GRHL2: variants seen among roughly 807,000 people sequenced by gnomAD.
GRHL2 encodes grainyhead like transcription factor 2, also known as grainyhead-like protein 2 homolog.
In GRHL2, 21 loss-of-function variants were observed where a neutral mutation model predicts 83.8. The observed-to-expected ratio is 0.25, with a 90% confidence interval of 0.18 to 0.36. The LOEUF (loss-of-function observed/expected upper bound fraction) is 0.36. GRHL2 is among the 10% of genes least tolerant of loss of function. The pLI is 1.00. For missense variants in GRHL2, 623 were observed against 781.8 expected, an observed-to-expected ratio of 0.80 and a Z score of 2.42; for synonymous variants, 280 against 278.9, an observed-to-expected ratio of 1.00 and a Z score of -0.04.
intron 10 of GRHL2, 146 bp downstream of exon 10, chr8:101,631,870 G>T (rs780548609): frequency 4.2e-5 from 31 of 738,260 alleles, no homozygotes; most frequent in Non-Finnish European, 6.9e-5. Flanking sequence ...GAGACAGGGT[G>T]ATTGATTATC....
In GRHL2 at chr8:101,632,211, T is replaced by C. The variant is rs369051001; in HGVS notation, c.1346-15T>C. The C allele has an allele frequency of 6.9e-5, 111 of 1,613,706 alleles. No homozygotes were observed. The highest frequency in any genetic ancestry group is 8.6e-5 in the Non-Finnish European group (102 of 1,179,734). ...TATGACTCTCTCATTTATGAGTTTG[T>C]GTGATCCCATCCAGCCTCTGATGGG... On this transcript the variant is annotated splice_polypyrimidine_tract_variant and intron_variant, in intron 10 of 15. Coordinates refer to ENST00000646743, the MANE Select transcript of GRHL2 (RefSeq NM_024915.4).
chr8:101,580,018 G>C (rs1812017793), intron 7 of GRHL2, among the ~76,000 whole-genome samples: 1 of 152,122 alleles, frequency 6.6e-6, no homozygotes, highest in African/African-American at 2.4e-5. Flanking sequence ...CGTGAAACTG[G>C]AGGTTAAACT....
chr8:101,645,037 C>T (rs546536693), intron 13 of GRHL2, among the ~76,000 whole-genome samples: 9 of 151,462 alleles, frequency 5.9e-5, no homozygotes, highest in African/African-American at 1.7e-4. Context: ...TTTATAGAGA[C>T]GAGGTCTCAA....
At chr8:101,509,138 C>CTTTTCTTT (rs1563556048) in intron 1 of GRHL2, among the ~76,000 whole-genome samples, 19 of 73,142 alleles carry the variant, frequency 2.6e-4, no homozygotes, top group African/African-American at 6.6e-4. Flanking sequence ...TCCTTCCTTC[C>CTTTTCTTT]TTCCTTCCTT....
intron 8 of GRHL2, among the ~76,000 whole-genome samples, chr8:101,611,870 T>C (rs1224195305): frequency 6.6e-6 from 1 of 151,000 alleles, no homozygotes; most frequent in African/African-American, 2.5e-5. Context: ...ATTAGGGTGA[T>C]CTCTCCATTT....
Position 101,667,933 on chromosome 8 carries a change from T to C in GRHL2, c.*1230T>C, listed in dbSNP as rs1280901817. 6.5e-6 allele frequency: 1 copy of C among 152,802 alleles called. No homozygotes were observed. Among genetic ancestry groups the C allele is most frequent in the Non-Finnish European group, 1.5e-5 (1 of 68,158 alleles). The allele number at this position is 152,802 out of a possible 1,614,324, so 9.5% of individuals were successfully genotyped here. On this transcript the variant is annotated 3_prime_UTR_variant, in exon 16 of 16. Coordinates refer to ENST00000646743, the MANE Select transcript of GRHL2 (RefSeq NM_024915.4). ...ATGTGAGAGCTGTGAACAGCTCAGC[T>C]CTGAGTCGGCAGGCTGGGGCTTCCT...
the GRHL2 span, among the ~76,000 whole-genome samples, chr8:101,678,768 T>C: frequency 1.3e-5 from 2 of 151,902 alleles, no homozygotes; most frequent in African/African-American, 4.8e-5. Flanking sequence ...AAGCGGGTCC[T>C]TGACCCCCAA....
At chr8:101,546,603 C>T (rs1435603731) in intron 2 of GRHL2, among the ~76,000 whole-genome samples, 4 of 151,834 alleles carry the variant, frequency 2.6e-5, no homozygotes, top group Admixed American at 6.6e-5. Context: ...TTAGTAGAGA[C>T]GGGATTTTGC....
At chr8:101,514,462 G>A (rs1563558823) in intron 1 of GRHL2, among the ~76,000 whole-genome samples, 1 of 152,216 alleles carries the variant, frequency 6.6e-6, no homozygotes, top group Non-Finnish European at 1.5e-5. Flanking sequence ...GGCAAGCCCA[G>A]CCCAAGGGCT....
At chr8:101,674,610 G>A (rs1814263661), downstream of GRHL2, among the ~76,000 whole-genome samples, 1 of 152,138 alleles carries the variant, frequency 6.6e-6, no homozygotes, top group South Asian at 2.1e-4. Flanking sequence ...TGGATTCATA[G>A]CCGAATTCTA....
intron 14 of GRHL2, among the ~76,000 whole-genome samples, chr8:101,663,707 A>AT (rs564124770): frequency 1.3e-5 from 2 of 151,966 alleles, no homozygotes; most frequent in South Asian, 2.1e-4. Flanking sequence ...TGTGTGGTGC[A>AT]TTTTTTTATA....
the GRHL2 span, among the ~76,000 whole-genome samples, chr8:101,678,549 G>A: frequency 6.6e-6 from 1 of 152,032 alleles, no homozygotes; most frequent in Non-Finnish European, 1.5e-5. Context: ...AAACAAAGCA[G>A]CCGGGAAGCT....
chr8:101,637,410 T>C (rs1240772041), intron 12 of GRHL2, among the ~76,000 whole-genome samples: 2 of 152,278 alleles, frequency 1.3e-5, no homozygotes, highest in African/African-American at 4.8e-5. Flanking sequence ...AGGCCAGTAG[T>C]GAGGCTGGTT....
intron 8 of GRHL2, among the ~76,000 whole-genome samples, chr8:101,603,083 A>C (rs1242669650): frequency 6.6e-6 from 1 of 152,156 alleles, no homozygotes; most frequent in Non-Finnish European, 1.5e-5. Context: ...TAAAAAAAAA[A>C]CACCAGAAAC....
In GRHL2 at chr8:101,644,242, G is replaced by T; in HGVS notation, c.1612+17G>T. 6.2e-7 allele frequency: 1 copy of T among 1,600,600 alleles called. No homozygotes were observed. Among genetic ancestry groups the T allele is most frequent in the African/African-American group, 1.3e-5 (1 of 74,734 alleles). ...CAAAGCGAGGTATCTCTCCTGCTGG[G>T]GCATGCCCTCTCAGAAGGGATGCGG... On this transcript the variant is annotated intron_variant, in intron 13 of 15. Transcript: ENST00000646743.
At chr8:101,644,072 G>A in intron 12 of GRHL2, 59 bp from the exon 13 acceptor site, 1 of 1,384,424 alleles carries the variant, frequency 7.2e-7, no homozygotes, top group Non-Finnish European at 1.0e-6. Flanking sequence ...ACACACATGT[G>A]AACGTGTGTT....
chr8:101,621,032 C>T (rs1447813900), intron 9 of GRHL2, among the ~76,000 whole-genome samples: 2 of 151,770 alleles, frequency 1.3e-5, no homozygotes, highest in African/African-American at 4.8e-5. Flanking sequence ...GGACGGGATA[C>T]AGAGTAGGCA....
chr8:101,604,134 A>T (rs1812578335), intron 8 of GRHL2, among the ~76,000 whole-genome samples: 1 of 151,170 alleles, frequency 6.6e-6, no homozygotes, highest in Admixed American at 6.6e-5. Context: ...CAATGGGAGG[A>T]CTTCTGTGTC....
chr8:101,565,598 G>A (rs1181335977), intron 4 of GRHL2, among the ~76,000 whole-genome samples: 2 of 152,146 alleles, frequency 1.3e-5, no homozygotes, highest in East Asian at 3.9e-4. Flanking sequence ...GGGAGGCCAT[G>A]GAGATGGCAT....
Sources: gnomAD v4.1 joint callset for allele counts (sites outside exome capture counted in the v4.1 genomes callset) on GRCh38, gnomAD v4.1.1 for gene constraint, MANE v1.5 for transcripts, NCBI Gene and HGNC (gene_info 2026-07-23, HGNC 2026-07-21) for gene names.